Variants in MIPEP observed in about 807,000 individuals in gnomAD.
The protein encoded by MIPEP is mitochondrial intermediate peptidase.
A neutral mutation model predicts 90.3 loss-of-function variants in MIPEP; 79 were observed. The observed-to-expected ratio is 0.87, with a 90% CI of 0.73 to 1.05. MIPEP has a LOEUF of 1.05. Among genes scored for constraint, MIPEP ranks in the 50% least tolerant of loss-of-function variants. The pLI, the probability that MIPEP is intolerant of heterozygous loss-of-function variation, is 0.00. For synonymous variants in MIPEP, 334 were observed against 315.8 expected, an observed-to-expected ratio of 1.06 and a Z score of -0.61; for missense variants, 940 against 905.6, an observed-to-expected ratio of 1.04 and a Z score of -0.49.
chr13:23,882,429 T>C (rs1383430378), intron 2 of MIPEP, among the ~76,000 whole-genome samples: 3 of 152,150 alleles, frequency 2.0e-5, no homozygotes, highest in East Asian at 1.9e-4. Flanking sequence ...AACTACATGG[T>C]AGTCTTTGTG....
chr13:23,751,668 G>C (rs1341460808), intron 18 of MIPEP, among the ~76,000 whole-genome samples: 1 of 152,190 alleles, frequency 6.6e-6, no homozygotes, highest in Non-Finnish European at 1.5e-5. Context: ...CTTTGCGGAA[G>C]AGTTGAAGAA....
At chr13:23,869,976 T>C in intron 6 of MIPEP, 37 bp downstream of exon 6, 1 of 1,488,208 alleles carries the variant, frequency 6.7e-7, no homozygotes, top group South Asian at 1.4e-5. Flanking sequence ...AACACACAAA[T>C]GGGACCTAAA....
intron 16 of MIPEP, among the ~76,000 whole-genome samples, chr13:23,778,233 AC>A (rs200741790): frequency 0.011 from 1,696 of 152,352 alleles, 17 homozygotes; most frequent in Middle Eastern, 0.02. Flanking sequence ...ACACAAAAAA[AC>A]ATACACATGT....
At chr13:23,868,513 C>T (rs979508631) in intron 7 of MIPEP, among the ~76,000 whole-genome samples, 8 of 152,182 alleles carry the variant, frequency 5.3e-5, no homozygotes, top group East Asian at 1.9e-4. Context: ...TCCCCTCTGT[C>T]GGTGAGTGGA....
intron 18 of MIPEP, among the ~76,000 whole-genome samples, chr13:23,750,284 G>C (rs2138503190): frequency 6.6e-6 from 1 of 152,268 alleles, no homozygotes; most frequent in African/African-American, 2.4e-5. Context: ...GATTGCCCTG[G>C]TACGATCAAA....
intron 10 of MIPEP, among the ~76,000 whole-genome samples, chr13:23,857,265 C>T (rs999228424): frequency 5.3e-5 from 8 of 152,058 alleles, no homozygotes; most frequent in African/African-American, 1.9e-4. Context: ...TCGTTGTTTA[C>T]CATAACCAAA....
At chr13:23,775,169 T>G (rs1158748095) in intron 16 of MIPEP, among the ~76,000 whole-genome samples, 1 of 151,430 alleles carries the variant, frequency 6.6e-6, no homozygotes, top group Non-Finnish European at 1.5e-5. Context: ...TCCTTAGGAT[T>G]TTCTATATAC....
intron 16 of MIPEP, among the ~76,000 whole-genome samples, chr13:23,800,074 C>G (rs1482829555): frequency 1.3e-5 from 2 of 152,200 alleles, no homozygotes; most frequent in African/African-American, 4.8e-5. Context: ...GCTGGAGACA[C>G]AGCCTCACCA....
chr13:23,864,882 T>A (rs1242337289), intron 7 of MIPEP, among the ~76,000 whole-genome samples: 1 of 152,162 alleles, frequency 6.6e-6, no homozygotes. Flanking sequence ...CTAGACTGCT[T>A]TGTTCATAAA....
At chr13:23,747,468 G>A (rs1036331210) in intron 18 of MIPEP, 12 of 469,170 alleles carry the variant, frequency 2.6e-5, no homozygotes, top group Admixed American at 6.9e-5. Flanking sequence ...GTCAGTACTC[G>A]TCCAGTGGGC....
intron 16 of MIPEP, among the ~76,000 whole-genome samples, chr13:23,796,910 G>C (rs531226002): frequency 7.2e-5 from 11 of 152,138 alleles, no homozygotes. Context: ...TATGCTAAAA[G>C]TTCATTCACT....
chr13:23,783,267 T>C (rs1329539424), intron 16 of MIPEP, among the ~76,000 whole-genome samples: 3 of 152,206 alleles, frequency 2.0e-5, no homozygotes, highest in Non-Finnish European at 2.9e-5. Flanking sequence ...TCAAGTGGGC[T>C]TCATCCCTGG....
At chr13:23,749,873 A>G (rs867475709) in intron 18 of MIPEP, among the ~76,000 whole-genome samples, 1 of 152,070 alleles carries the variant, frequency 6.6e-6, no homozygotes, top group Non-Finnish European at 1.5e-5. Context: ...CAGTATCCAC[A>G]ATGCCCTGCC....
intron 14 of MIPEP, among the ~76,000 whole-genome samples, chr13:23,831,383 C>CGGGGGGG (rs1555237542): frequency 2.9e-4 from 12 of 40,890 alleles, no homozygotes; most frequent in African/African-American, 7.5e-4. Flanking sequence ...TTCCCCATGG[C>CGGGGGGG]GGGGGGGGGA....
intron 5 of MIPEP, 22 bp downstream of exon 5, chr13:23,874,824 A>G (rs1870990583): frequency 1.9e-6 from 3 of 1,572,870 alleles, no homozygotes; most frequent in Non-Finnish European, 2.6e-6. Flanking sequence ...GGAAGAGTCA[A>G]AAAAACAGCA....
At chr13:23,732,549 A>G (rs990815013) in intron 18 of MIPEP, among the ~76,000 whole-genome samples, 17 of 152,234 alleles carry the variant, frequency 1.1e-4, no homozygotes, top group Admixed American at 2.0e-4. Flanking sequence ...ACACACTACA[A>G]TATATTCATA....
At chr13:23,843,621 C>G (rs1205665600) in intron 10 of MIPEP, among the ~76,000 whole-genome samples, 1 of 152,128 alleles carries the variant, frequency 6.6e-6, no homozygotes, top group Non-Finnish European at 1.5e-5. Context: ...TGGGAGACAG[C>G]TTCTGTAGGC....
chr13:23,790,796 T>C (rs1159085539), intron 16 of MIPEP, among the ~76,000 whole-genome samples: 2 of 152,194 alleles, frequency 1.3e-5, no homozygotes, highest in African/African-American at 2.4e-5. Context: ...ATTTTTGCTA[T>C]ATTAAGCCAC....
intron 14 of MIPEP, among the ~76,000 whole-genome samples, chr13:23,819,120 A>G (rs1337942159): frequency 6.6e-6 from 1 of 152,254 alleles, no homozygotes; most frequent in East Asian, 1.9e-4. Flanking sequence ...TTTTAATTCA[A>G]CATCCACAGT....
Sources: allele counts gnomAD v4.1 joint callset (sites outside exome capture counted in the v4.1 genomes callset), GRCh38; gene constraint gnomAD v4.1.1; transcripts MANE v1.5; gene names NCBI Gene and HGNC (gene_info 2026-07-23, HGNC 2026-07-21).